Variants in MYH11 observed in about 807,000 individuals in gnomAD.
The protein encoded by MYH11 is myosin-11.
MYH11 carries 80 observed loss-of-function variants against 246.6 expected under a neutral mutation model. That is an observed-to-expected ratio of 0.32 (90% CI 0.27 to 0.39). MYH11 has a LOEUF of 0.39. Among genes scored for constraint, MYH11 ranks in the 10% least tolerant of loss-of-function variants. MYH11 has a pLI of 1.00. For synonymous variants in MYH11, 1,071 were observed against 1,015.5 expected (o/e 1.05, Z -1.04); for missense variants, 2,158 against 2,546.8 (o/e 0.85, Z 3.29).
In MYH11 at chr16:15,737,528, C is replaced by CGATCTGCT; in HGVS notation, c.3206_3213dup (p.Ala1072SerfsTer42). Reference sequence around the variant, plus strand: ...TCTGCGATCTGCGCCTGGAGGTCAGCGATCTGCTCGTGGAAGTCGCTGGCA... The same window carrying CGATCTGCT: ...TCTGCGATCTGCGCCTGGAGGTCAGCGATCTGCTGATCTGCTCGTGGAAGTCGCTGGCA... On this transcript the variant is annotated frameshift_variant, in exon 25 of 41. Coordinates refer to ENST00000300036, the MANE Select transcript of MYH11 (RefSeq NM_002474.3). LOFTEE classifies it high-confidence loss of function. 6.2e-7 allele frequency: 1 copy of CGATCTGCT among 1,613,992 alleles called. No homozygotes were observed. The highest frequency in any genetic ancestry group is 8.5e-7 in the Non-Finnish European group (1 of 1,180,028).
intron 38 of MYH11, among the ~76,000 whole-genome samples, chr16:15,715,701 C>T (rs775610304): frequency 3.3e-5 from 5 of 152,154 alleles, no homozygotes; most frequent in Non-Finnish European, 7.4e-5. Context: ...AATGCCTGCT[C>T]TTCACCCTAG....
At chr16:15,741,071 A>T in intron 22 of MYH11, 1 of 358,906 alleles carries the variant, frequency 2.8e-6, no homozygotes, top group South Asian at 2.4e-5. Context: ...CAACACCTTG[A>T]CTGCAACCTC....
At chr16:15,815,689 G>C (rs897326629) in intron 3 of MYH11, among the ~76,000 whole-genome samples, 1 of 152,118 alleles carries the variant, frequency 6.6e-6, no homozygotes, top group African/African-American at 2.4e-5. Flanking sequence ...TAAGTGTCCA[G>C]GATAACAAAT....
At chr16:15,798,738 C>T in intron 3 of MYH11, 51 bp from the exon 4 acceptor site, 1 of 1,595,372 alleles carries the variant, frequency 6.3e-7, no homozygotes, top group East Asian at 2.2e-5. Flanking sequence ...GAGCTCTGAG[C>T]TAAGGGTCTG....
chr16:15,816,679 C>T (rs1378151804), intron 3 of MYH11, among the ~76,000 whole-genome samples: 2 of 151,648 alleles, frequency 1.3e-5, no homozygotes, highest in East Asian at 3.9e-4. Context: ...GGTGAATGAG[C>T]TAAATTTCAT....
intron 3 of MYH11, 37 bp from the exon 4 acceptor site, chr16:15,798,724 AAATG>A: frequency 6.2e-7 from 1 of 1,611,120 alleles, no homozygotes; most frequent in Non-Finnish European, 8.5e-7. Context: ...CCATGAATTA[AAATG>A]AGCTCTGAGC....
chr16:15,843,042 A>G (rs767938832), intron 1 of MYH11, among the ~76,000 whole-genome samples: 4 of 152,154 alleles, frequency 2.6e-5, no homozygotes, highest in Non-Finnish European at 5.9e-5. Flanking sequence ...CATGCAGAAC[A>G]ATAAAACTAG....
At chr16:15,803,718 G>A (rs1346427758) in intron 3 of MYH11, among the ~76,000 whole-genome samples, 2 of 152,124 alleles carry the variant, frequency 1.3e-5, no homozygotes, top group African/African-American at 4.8e-5. Flanking sequence ...CAGGGAGAGA[G>A]GCAGGCTTTC....
chr16:15,774,754 T>A (rs909743236), intron 8 of MYH11, among the ~76,000 whole-genome samples: 1 of 152,190 alleles, frequency 6.6e-6, no homozygotes, highest in African/African-American at 2.4e-5. Flanking sequence ...CACACCTGGC[T>A]AATTTTTGTA....
At chr16:15,730,718 C>T (rs952150690) in intron 27 of MYH11, among the ~76,000 whole-genome samples, 1 of 152,118 alleles carries the variant, frequency 6.6e-6, no homozygotes, top group Non-Finnish European at 1.5e-5. Context: ...GGAGCTGCAA[C>T]GCTGAGGGTA....
At chr16:15,776,973 T>C (rs935199560) in intron 7 of MYH11, among the ~76,000 whole-genome samples, 4 of 152,076 alleles carry the variant, frequency 2.6e-5, no homozygotes, top group Admixed American at 6.5e-5. Context: ...TGGGGCTAGA[T>C]CAGCAGACCT....
In MYH11 at chr16:15,756,793, CTT is replaced by C. The variant is rs60486632; in HGVS notation, c.1576-281_1576-280del. Among the ~76,000 whole-genome samples, 687 of 84,576 alleles carry C rather than the reference CTT, an allele frequency of 8.1e-3. 1 individual carries two copies. Among genetic ancestry groups the C allele is most frequent in the African/African-American group, 0.015 (346 of 22,694 alleles). 55.5% of individuals were successfully genotyped at this position (84,576 alleles called of 152,430 possible). A position where few individuals can be genotyped will look rare whatever the true frequency, so the allele number is the denominator to read the frequency against. On this transcript the variant is annotated intron_variant, in intron 13 of 40. Coordinates refer to ENST00000300036, the MANE Select transcript of MYH11 (RefSeq NM_002474.3). ...GCAACATCATGAAGAGTTCATAACTCTTTTTTTTTTTTTTTTTTTTTTGAGAC... is the reference window on the plus strand; with the variant it reads ...GCAACATCATGAAGAGTTCATAACTCTTTTTTTTTTTTTTTTTTTTGAGAC...
intron 28 of MYH11, 190 bp downstream of exon 28, chr16:15,726,658 G>T: frequency 1.4e-6 from 1 of 700,056 alleles, no homozygotes; most frequent in Non-Finnish European, 2.5e-6. Context: ...ATGAGCCACC[G>T]TGCCTGGCCA....
intron 1 of MYH11, among the ~76,000 whole-genome samples, chr16:15,847,400 G>A (rs1433899736): frequency 6.6e-6 from 1 of 151,994 alleles, no homozygotes; most frequent in African/African-American, 2.4e-5. Flanking sequence ...ACAGGCACCT[G>A]CCACCATGCC....
At chr16:15,765,986 C>T (rs1485027939) in intron 9 of MYH11, among the ~76,000 whole-genome samples, 1 of 152,158 alleles carries the variant, frequency 6.6e-6, no homozygotes, top group Non-Finnish European at 1.5e-5. Context: ...CCAGATAATT[C>T]TCTATTGTGG....
At chr16:15,707,000 A>AC (rs1039060728) in intron 40 of MYH11, among the ~76,000 whole-genome samples, 45 of 151,926 alleles carry the variant, frequency 3.0e-4, no homozygotes, top group Admixed American at 9.9e-4. Context: ...GAACTAAGGG[A>AC]CCCCCCTAAA....
intron 3 of MYH11, among the ~76,000 whole-genome samples, chr16:15,808,960 A>G (rs1413012203): frequency 6.6e-6 from 1 of 152,104 alleles, no homozygotes; most frequent in Non-Finnish European, 1.5e-5. Flanking sequence ...GAGACAGGAA[A>G]ACCAACGCTC....
chr16:15,831,704 G>T (rs936040343), intron 2 of MYH11, among the ~76,000 whole-genome samples: 2 of 152,036 alleles, frequency 1.3e-5, no homozygotes, highest in African/African-American at 4.8e-5. Flanking sequence ...GTTGGGAGGC[G>T]GAGGTGGGAG....
chr16:15,839,600 A>G (rs1207171130), intron 1 of MYH11, among the ~76,000 whole-genome samples: 1 of 151,992 alleles, frequency 6.6e-6, no homozygotes, highest in African/African-American at 2.4e-5. Flanking sequence ...AGGCTGAGGC[A>G]AGAGGATTGC....
Sources: gnomAD v4.1 joint callset for allele counts (sites outside exome capture counted in the v4.1 genomes callset) on GRCh38, gnomAD v4.1.1 for gene constraint, MANE v1.5 for transcripts, NCBI Gene and HGNC (gene_info 2026-07-23, HGNC 2026-07-21) for gene names.